SUGT1: variants seen among roughly 807,000 people sequenced by gnomAD.
SUGT1 encodes the protein SGT1 assembly cochaperone of MIS12 kinetochore complex.
SUGT1 carries 15 observed loss-of-function variants against 56.1 expected under a neutral mutation model. The observed-to-expected ratio is 0.27, with a 90% confidence interval of 0.18 to 0.41. The LOEUF is 0.41. Ranked by LOEUF, SUGT1 falls within the 10% of genes least tolerant of loss-of-function variation. The pLI, the probability that SUGT1 is intolerant of heterozygous loss-of-function variation, is 1.00. For missense variants in SUGT1, 347 were observed against 382.2 expected, an observed-to-expected ratio of 0.91 and a Z score of 0.77; for synonymous variants, 123 against 128.6, an observed-to-expected ratio of 0.96 and a Z score of 0.30.
intron 11 of SUGT1, among the ~76,000 whole-genome samples, chr13:52,677,122 C>T (rs1202383366): frequency 1.3e-5 from 2 of 152,148 alleles, no homozygotes; most frequent in African/African-American, 4.8e-5. Context: ...TCTTCTGTAA[C>T]AGAAAACACA....
Position 52,663,007 on chromosome 13 carries a change from C to T in SUGT1, c.383-89C>T, listed in dbSNP as rs570877822. 1.3e-5 allele frequency: 19 copies of T among 1,409,778 alleles called. No homozygotes were observed. The South Asian group carries it at 1.6e-4, about 12-fold the overall frequency. The allele number at this position is 1,409,778 out of a possible 1,614,324, so 87.3% of individuals were successfully genotyped here. A position where few individuals can be genotyped will look rare whatever the true frequency, so the allele number is the denominator to read the frequency against. ...GGTACGGAGAATTTGCTTGCTTAAT[C>T]AGTATGTTTGTGCTATAGAAATCAT... On this transcript the variant is annotated intron_variant, in intron 6 of 12. Coordinates refer to ENST00000310528, the MANE Select transcript of SUGT1 (RefSeq NM_006704.5).
At chr13:52,665,845 A>T (rs1157826265) in intron 9 of SUGT1, 112 bp downstream of exon 9, 1 of 687,932 alleles carries the variant, frequency 1.5e-6, no homozygotes, top group Non-Finnish European at 2.3e-6. Flanking sequence ...TCCTGAGATG[A>T]TTTGGAAAAT....
rs368737143 is a variant in SUGT1 at position 52,652,977 on chromosome 13, C to T, written c.38+19C>T. On this transcript the variant is annotated intron_variant, in intron 1 of 12. Coordinates refer to ENST00000310528, the MANE Select transcript of SUGT1 (RefSeq NM_006704.5). The stretch of plus-strand genomic sequence containing the variant: ...CCCAGAGGTGCATGTTTTTCTTTCC[C>T]TTTGGTATTTATTTTATCCCCCTTT... 1.2e-5 allele frequency: 19 copies of T among 1,614,198 alleles called. No homozygotes were observed. Among genetic ancestry groups the T allele is most frequent in the Non-Finnish European group, 1.5e-5 (18 of 1,180,014 alleles).
rs906090716 is a variant in SUGT1, at chr13:52,697,578, A to G, written c.*9743A>G. ...CATTTTTTTTCTGGAATCCCTGAAG[A>G]AATTTTGAGATACTGAGTACTAGAA... On this transcript the variant is annotated 3_prime_UTR_variant, in exon 13 of 13. Transcript: ENST00000310528. The G allele has an allele frequency of 2.6e-5, 4 of 152,216 alleles. No homozygotes were observed. The highest frequency in any genetic ancestry group is 5.9e-5 in the Non-Finnish European group (4 of 68,044). The allele number at this position is 152,216 out of a possible 1,614,324, so 9.4% of individuals were successfully genotyped here.
At position 52,676,222 on chromosome 13, in the gene SUGT1, T is replaced by A. The variant is rs777388066; in HGVS notation, c.628-8T>A. On this transcript the variant is annotated splice_region_variant and splice_polypyrimidine_tract_variant and intron_variant, in intron 10 of 12. Coordinates refer to ENST00000310528, the MANE Select transcript of SUGT1 (RefSeq NM_006704.5). ...CGAGTAATGGAGTTTATTTGGTGTT[T>A]CCTCCAGATTGAAATTAAACTGAAA... 1 of 1,607,384 alleles carries A rather than the reference T, an allele frequency of 6.2e-7. No homozygotes were observed. The highest frequency in any genetic ancestry group is 8.5e-7 in the Non-Finnish European group (1 of 1,177,478).
rs1202047093 is a variant in SUGT1 at position 52,659,236 on chromosome 13, A to G, written c.315A>G (p.Gly105=). 33 of 1,482,774 alleles carry G rather than the reference A, an allele frequency of 2.2e-5. No homozygotes were observed. The highest frequency in any genetic ancestry group is 2.9e-5 in the Non-Finnish European group (33 of 1,121,166). 91.9% of individuals were successfully genotyped at this position (1,482,774 alleles called of 1,614,324 possible). The change falls in exon 5 of 13, where the codon GGA becomes GGG. Residue 105 remains glycine (G), a synonymous_variant. Transcript: ENST00000310528. ...YAAALETFTE[G]QKLDSADANF... is the part of the protein sequence containing the mutation. ...CTGCCCTAGAAACTTTTACAGAAGG[A>G]CAAAAATTAGATAGTAAGTATTAAA...
intron 12 of SUGT1, among the ~76,000 whole-genome samples, chr13:52,684,020 A>G (rs990146620): frequency 3.3e-5 from 5 of 152,276 alleles, no homozygotes; most frequent in African/African-American, 4.8e-5. Flanking sequence ...AGCTGGGACT[A>G]CAGGCATGTG....
intron 10 of SUGT1, among the ~76,000 whole-genome samples, chr13:52,675,316 G>C (rs1309767106): frequency 6.6e-6 from 1 of 152,226 alleles, no homozygotes; most frequent in Admixed American, 6.5e-5. Context: ...GCTCATGCCT[G>C]TAATCCTAGC....
intron 9 of SUGT1, among the ~76,000 whole-genome samples, chr13:52,666,443 T>C (rs1479634844): frequency 6.6e-6 from 1 of 152,212 alleles, no homozygotes; most frequent in East Asian, 1.9e-4. Flanking sequence ...ATAGATTATT[T>C]AAAAGAGGTA....
At chr13:52,658,567 C>T in intron 4 of SUGT1, 99 bp downstream of exon 4, 1 of 1,130,528 alleles carries the variant, frequency 8.8e-7, no homozygotes, top group East Asian at 2.5e-5. Flanking sequence ...TTGTAAAATT[C>T]TGTATTTATA....
chr13:52,699,809 G>A lies in SUGT1; in HGVS notation c.*11974G>A, dbSNP rs1475552572. ...ACCTTAGAAGGAACCCTGAAGGACA[G>A]GACGCCATAGAAATCCTGTTTTTTT... On this transcript the variant is annotated 3_prime_UTR_variant, in exon 13 of 13. Coordinates refer to ENST00000310528, the MANE Select transcript of SUGT1 (RefSeq NM_006704.5). The A allele has an allele frequency of 6.6e-6, 1 of 152,164 alleles. No homozygotes were observed. Among genetic ancestry groups the A allele is most frequent in the Non-Finnish European group, 1.5e-5 (1 of 68,012 alleles). The allele number at this position is 152,164 out of a possible 1,614,324, so 9.4% of individuals were successfully genotyped here.
rs983213928 is a variant in SUGT1 at position 52,696,992 on chromosome 13, T to A, written c.*9157T>A. Reference sequence around the variant, plus strand: ...GGGTGTCCTGATTTATTTTATTTATTTTATTTATTTATTTTTATTTTTTAT... The same window carrying A: ...GGGTGTCCTGATTTATTTTATTTATATTATTTATTTATTTTTATTTTTTAT... On this transcript the variant is annotated 3_prime_UTR_variant, in exon 13 of 13. Coordinates refer to ENST00000310528, the MANE Select transcript of SUGT1 (RefSeq NM_006704.5). 6.6e-6 allele frequency: 1 copy of A among 150,512 alleles called. No individual in the cohort carries two copies. The highest frequency in any genetic ancestry group is 2.4e-5 in the African/African-American group (1 of 41,198). 9.3% of individuals were successfully genotyped at this position (150,512 alleles called of 1,614,324 possible).
At chr13:52,673,093 A>C (rs755979842) in intron 10 of SUGT1, among the ~76,000 whole-genome samples, 11 of 152,182 alleles carry the variant, frequency 7.2e-5, no homozygotes, top group Non-Finnish European at 1.5e-4. Context: ...TTGCAGTAAA[A>C]ACCTCTGAAA....
chr13:52,679,713 G>A (rs1963292467), intron 11 of SUGT1, among the ~76,000 whole-genome samples: 1 of 152,006 alleles, frequency 6.6e-6, no homozygotes, highest in South Asian at 2.1e-4. Flanking sequence ...ATTTTGTATA[G>A]CATATCAAAA....
In SUGT1 at chr13:52,700,620, GTT is replaced by G. The variant is rs1964054087; in HGVS notation, c.*12789_*12790del. ...CCAAAACACTCTCTGCCTGTAAAAT[GTT>G]TTTGCTGAAATTTGTATCATTAACT... is the stretch of plus-strand genomic sequence containing the variant. On this transcript the variant is annotated 3_prime_UTR_variant, in exon 13 of 13. Coordinates refer to ENST00000310528, the MANE Select transcript of SUGT1 (RefSeq NM_006704.5). 6.6e-6 allele frequency: 1 copy of G among 152,204 alleles called. No homozygotes were observed. Among genetic ancestry groups the G allele is most frequent in the South Asian group, 2.1e-4 (1 of 4,826 alleles). 9.4% of individuals were successfully genotyped at this position (152,204 alleles called of 1,614,324 possible).
At position 52,666,801 on chromosome 13, in the gene SUGT1, G is replaced by C. The variant is rs750240902; in HGVS notation, c.520-11G>C. 1 of 1,585,746 alleles carries C rather than the reference G, an allele frequency of 6.3e-7. No individual in the cohort carries two copies. The highest frequency in any genetic ancestry group is 1.1e-5 in the South Asian group (1 of 89,924). ...ATTTACAAAATGTGATGCTAATTTT[G>C]TGTTCATTAGTTGTCTGCTTTGGTT... On this transcript the variant is annotated splice_polypyrimidine_tract_variant and intron_variant, in intron 9 of 12. Coordinates refer to ENST00000310528, the MANE Select transcript of SUGT1 (RefSeq NM_006704.5).
At chr13:52,663,215 T>C (rs764614455) in intron 7 of SUGT1, 103 bp downstream of exon 7, 95 of 1,210,444 alleles carry the variant, frequency 7.8e-5, no homozygotes, top group Non-Finnish European at 9.8e-5. Flanking sequence ...TATTTAAATA[T>C]TAAGCAATTC....
rs10603223 is a variant in SUGT1 at position 52,677,078 on chromosome 13, CAT to C, written c.718+759_718+760del. On this transcript the variant is annotated intron_variant, in intron 11 of 12. Coordinates refer to ENST00000310528, the MANE Select transcript of SUGT1 (RefSeq NM_006704.5). Reference sequence around the variant, plus strand: ...TGATTTAATGACTGAAACAAGCTAACATGTGTCTCAGCTTTTTCTGATTTTGA... The same window carrying C: ...TGATTTAATGACTGAAACAAGCTAACGTGTCTCAGCTTTTTCTGATTTTGA... Among the ~76,000 whole-genome samples the C allele has an allele frequency of 7.5e-3, 1,141 of 152,244 alleles. 14 individuals carry two copies. Among genetic ancestry groups the C allele is most frequent in the African/African-American group, 0.026 (1,065 of 41,552 alleles).
At chr13:52,670,388 A>G (rs1046618060) in intron 10 of SUGT1, among the ~76,000 whole-genome samples, 21 of 152,306 alleles carry the variant, frequency 1.4e-4, no homozygotes, top group Middle Eastern at 3.4e-3. Flanking sequence ...TTAAGAAACT[A>G]TATGTCTTTC....
Sources: allele counts gnomAD v4.1 joint callset (sites outside exome capture counted in the v4.1 genomes callset), GRCh38; gene constraint gnomAD v4.1.1; transcripts MANE v1.5; gene names NCBI Gene and HGNC (gene_info 2026-07-23, HGNC 2026-07-21).